MYH15: variants seen among roughly 807,000 people sequenced by gnomAD.
The protein encoded by MYH15 is myosin-15.
In MYH15, 227 loss-of-function variants were observed where a neutral mutation model predicts 240.5. The observed-to-expected ratio is 0.94, with a 90% CI of 0.85 to 1.05. The LOEUF (loss-of-function observed/expected upper bound fraction) is 1.05. MYH15 is among the 50% of genes least tolerant of loss of function. The pLI is 0.00. For missense variants in MYH15, 2,217 were observed against 2,247.5 expected, an observed-to-expected ratio of 0.99 and a Z score of 0.27; for synonymous variants, 785 against 796.7, an observed-to-expected ratio of 0.99 and a Z score of 0.25.
intron 1 of MYH15, among the ~76,000 whole-genome samples, chr3:108,508,014 T>C (rs188788426): frequency 1.4e-4 from 22 of 152,288 alleles, no homozygotes; most frequent in Non-Finnish European, 2.6e-4. Flanking sequence ...TCTTTCTTTT[T>C]AGAAAAAGAA....
upstream of MYH15, among the ~76,000 whole-genome samples, chr3:108,533,736 GA>G (rs1455614860): frequency 4.6e-5 from 7 of 152,274 alleles, no homozygotes; most frequent in South Asian, 1.2e-3. Context: ...CATAGGTCAG[GA>G]ATCCATTTAT....
chr3:108,474,270 G>A (rs765461357), intron 12 of MYH15, among the ~76,000 whole-genome samples: 5 of 151,082 alleles, frequency 3.3e-5, no homozygotes, highest in Non-Finnish European at 7.4e-5. Context: ...GTCTCCAGGA[G>A]AGAGAGAGAG....
chr3:108,463,146 G>T lies in MYH15; in HGVS notation c.1829C>A (p.Ala610Glu), dbSNP rs28565077. 4.3e-6 allele frequency: 7 copies of T among 1,611,910 alleles called. No individual in the cohort carries two copies. The highest frequency in any genetic ancestry group is 2.2e-5 in the South Asian group (2 of 90,624). The change falls in exon 16 of 41, where the codon GCG (alanine) becomes GAG (glutamate). Residue 610 changes from alanine (A) to glutamate (E), a missense_variant. Physicochemically the swap from Ala to Glu is moderately radical, Grantham distance 107. Coordinates refer to ENST00000693548, the MANE Select transcript of MYH15 (RefSeq NM_014981.3). ...ACTCATGTAATTTTCAAAAAGGCTCGCCAGGAGTCTGTTGGAAGACTTCTG... is the reference window on the plus strand; with the variant it reads ...ACTCATGTAATTTTCAAAAAGGCTCTCCAGGAGTCTGTTGGAAGACTTCTG... The part of the protein sequence containing the change: ...VFQKSSNRLL[A>E]SLFENYMSTD...
rs369600445 is a variant in MYH15, at chr3:108,463,142, G to A, written c.1833C>T (p.Ser611=). The A allele has an allele frequency of 1.9e-6, 3 of 1,611,492 alleles. No individual in the cohort carries two copies. The highest frequency in any genetic ancestry group is 1.3e-5 in the African/African-American group (1 of 74,666). ...FQKSSNRLLA[S]LFENYMSTDS... Reference sequence around the variant, plus strand: ...CAGTACTCATGTAATTTTCAAAAAGGCTCGCCAGGAGTCTGTTGGAAGACT... The same window carrying A: ...CAGTACTCATGTAATTTTCAAAAAGACTCGCCAGGAGTCTGTTGGAAGACT... Residue 611 remains serine, a synonymous_variant, in exon 16 of 41, where the codon AGC becomes AGT. Transcript: ENST00000693548.
At chr3:108,520,696 C>T (rs939412757) in intron 1 of MYH15, among the ~76,000 whole-genome samples, 16 of 152,088 alleles carry the variant, frequency 1.1e-4, no homozygotes, top group East Asian at 3.8e-4. Flanking sequence ...GCAGCAACAC[C>T]GTCTCTGGTG....
At chr3:108,383,505 C>A in intron 40 of MYH15, 90 bp downstream of exon 40, 1 of 1,395,502 alleles carries the variant, frequency 7.2e-7, no homozygotes, top group Non-Finnish European at 9.6e-7. Context: ...AGGAGAAAAA[C>A]AAATTTCTTG....
chr3:108,426,885 G>C (rs766300880), intron 27 of MYH15, among the ~76,000 whole-genome samples: 1 of 152,198 alleles, frequency 6.6e-6, no homozygotes, highest in Non-Finnish European at 1.5e-5. Flanking sequence ...GTCAGACATG[G>C]AGTCAAAAAG....
chr3:108,474,895 T>C (rs549572768), intron 12 of MYH15, among the ~76,000 whole-genome samples: 43 of 152,308 alleles, frequency 2.8e-4, no homozygotes, highest in African/African-American at 1.0e-3. Context: ...TTGTTTTAGA[T>C]GCTTGGAGTA....
the MYH15 span, among the ~76,000 whole-genome samples, chr3:108,535,674 A>C: frequency 6.6e-6 from 1 of 152,208 alleles, no homozygotes; most frequent in Non-Finnish European, 1.5e-5. Context: ...TAACAATGTG[A>C]GAGCCTAGTA....
chr3:108,536,347 T>C, the MYH15 span, among the ~76,000 whole-genome samples: 1 of 152,210 alleles, frequency 6.6e-6, no homozygotes, highest in African/African-American at 2.4e-5. Context: ...GACATTTGTA[T>C]CTATTTTCTT....
intron 35 of MYH15, 92 bp downstream of exon 35, chr3:108,398,545 G>A: frequency 8.3e-7 from 1 of 1,212,034 alleles, no homozygotes; most frequent in South Asian, 1.2e-5. Context: ...ACTTAACAGG[G>A]CGACTGTGCA....
At position 108,495,769 on chromosome 3, in the gene MYH15, A is replaced by G. The variant is rs2083384830; in HGVS notation, c.711+11T>C. ...AAATACTTTGATATTATGCTAAATCATGTTACTTACAAAACGAGAGGAGTT... is the reference window on the plus strand; with the variant it reads ...AAATACTTTGATATTATGCTAAATCGTGTTACTTACAAAACGAGAGGAGTT... On this transcript the variant is annotated intron_variant, in intron 7 of 40. Transcript: ENST00000693548. 1 of 1,596,348 alleles carries G rather than the reference A, an allele frequency of 6.3e-7. No individual in the cohort carries two copies. The highest frequency in any genetic ancestry group is 1.1e-5 in the South Asian group (1 of 89,948).
intron 2 of MYH15, among the ~76,000 whole-genome samples, chr3:108,503,739 G>C (rs1311769071): frequency 6.6e-6 from 1 of 152,152 alleles, no homozygotes; most frequent in Non-Finnish European, 1.5e-5. Flanking sequence ...AAAGCAGTAT[G>C]GAAATTTCTC....
At chr3:108,544,299 T>G in the MYH15 span, among the ~76,000 whole-genome samples, 1 of 152,162 alleles carries the variant, frequency 6.6e-6, no homozygotes, top group Non-Finnish European at 1.5e-5. Context: ...AAAATTAAGG[T>G]GATACTATCG....
intron 4 of MYH15, among the ~76,000 whole-genome samples, chr3:108,499,732 A>C (rs1333301077): frequency 3.3e-5 from 5 of 152,234 alleles, no homozygotes. Flanking sequence ...ATGGTAACCA[A>C]CTAATGATTG....
chr3:108,473,663 T>C (rs2083195824), intron 12 of MYH15, among the ~76,000 whole-genome samples: 2 of 152,204 alleles, frequency 1.3e-5, no homozygotes, highest in Non-Finnish European at 2.9e-5. Flanking sequence ...ACATCACCTA[T>C]AGTTAGTACT....
intron 28 of MYH15, among the ~76,000 whole-genome samples, chr3:108,418,466 A>T (rs948864082): frequency 6.6e-6 from 1 of 152,210 alleles, no homozygotes; most frequent in Non-Finnish European, 1.5e-5. Flanking sequence ...AATTTTAATC[A>T]TCGTTGCTTT....
chr3:108,481,749 A>G (rs2083269662), intron 11 of MYH15, among the ~76,000 whole-genome samples: 1 of 152,192 alleles, frequency 6.6e-6, no homozygotes, highest in Non-Finnish European at 1.5e-5. Flanking sequence ...GATTAGAGAG[A>G]GACAGAGAAG....
intron 22 of MYH15, 41 bp downstream of exon 22, chr3:108,444,598 AT>A: frequency 6.2e-7 from 1 of 1,602,638 alleles, no homozygotes. Context: ...AGGGAGTCTA[AT>A]TAAAAACTTG....
Sources: gnomAD v4.1 joint callset for allele counts (sites outside exome capture counted in the v4.1 genomes callset) on GRCh38, gnomAD v4.1.1 for gene constraint, MANE v1.5 for transcripts, NCBI Gene and HGNC (gene_info 2026-07-23, HGNC 2026-07-21) for gene names.